Variants in TIMM23B observed in about 807,000 individuals in gnomAD.
TIMM23B encodes the protein mitochondrial import inner membrane translocase subunit Tim23B.
Under a neutral mutation model 27.3 loss-of-function variants are expected in TIMM23B, and 27 were observed. The ratio of observed to expected loss-of-function variants is 0.99; its 90% CI spans 0.73 to 1.36. The LOEUF is 1.36. TIMM23B is among the 40% of genes most tolerant of loss of function. The pLI is 0.00. For missense variants in TIMM23B, 205 were observed against 244.2 expected (o/e 0.84, Z 1.07); for synonymous variants, 73 against 92.4 (o/e 0.79, Z 1.21).
intron 1 of TIMM23B, 124 bp downstream of exon 1, chr10:49,942,424 C>T (rs1839150110): frequency 6.6e-7 from 1 of 1,521,820 alleles, no homozygotes; most frequent in Admixed American, 2.1e-5. Flanking sequence ...GCTTAAGTAC[C>T]AGTGGTGGGG....
chr10:49,951,589 G>A (rs1839531030), intron 2 of TIMM23B, among the ~76,000 whole-genome samples: 1 of 152,000 alleles, frequency 6.6e-6, no homozygotes, highest in Non-Finnish European at 1.5e-5. Flanking sequence ...TAGAAATAGG[G>A]TCTATAGCTT....
chr10:49,948,200 T>C (rs1430843393), intron 2 of TIMM23B, among the ~76,000 whole-genome samples: 1 of 152,204 alleles, frequency 6.6e-6, no homozygotes, highest in Non-Finnish European at 1.5e-5. Context: ...GGGATCACTA[T>C]AATCAAAAAG....
chr10:49,947,903 GGGTGAC>G (rs1839404501), intron 2 of TIMM23B, among the ~76,000 whole-genome samples: 1 of 152,168 alleles, frequency 6.6e-6, no homozygotes, highest in Non-Finnish European at 1.5e-5. Flanking sequence ...ACTCCAGCCT[GGGTGAC>G]AGAGAGAGAC....
chr10:49,958,767 A>G (rs1287184297), intron 6 of TIMM23B, among the ~76,000 whole-genome samples: 85 of 152,286 alleles, frequency 5.6e-4, no homozygotes, highest in Non-Finnish European at 9.7e-4. Context: ...TAAGCCTCCA[A>G]TTTACCACTT....
At position 49,950,518 on chromosome 10, in the gene TIMM23B, C is replaced by CT. The variant is rs1222407465; in HGVS notation, c.166-1593dup. On this transcript the variant is annotated intron_variant, in intron 2 of 6. Coordinates refer to ENST00000651259, the MANE Select transcript of TIMM23B (RefSeq NM_001290117.2). ...CTTGCTTGATAATGTTCATCACAGC[C>CT]TTTTTTTTTTTTTTTAAGTTTTCTT... 1.2e-3 allele frequency among the ~76,000 whole-genome samples: 149 copies of CT among 127,976 alleles called. 1 individual carries two copies. The highest frequency in any genetic ancestry group is 6.2e-3 in the East Asian group (28 of 4,552). The allele number at this position is 127,976 out of a possible 152,430, so 84.0% of individuals were successfully genotyped here. A position where few individuals can be genotyped will look rare whatever the true frequency, so the allele number is the denominator to read the frequency against.
At chr10:49,947,572 C>T (rs1258127266) in intron 2 of TIMM23B, among the ~76,000 whole-genome samples, 5 of 151,644 alleles carry the variant, frequency 3.3e-5, no homozygotes, top group Admixed American at 6.6e-5. Flanking sequence ...TCGCACCACC[C>T]GCACTTCAGC....
In TIMM23B at chr10:49,943,664, T is replaced by A. The variant is rs1839245255; in HGVS notation, c.106+1364T>A. ...GAAGGTAAATTGGGGGACCAGGGAA[T>A]GAACACCATTTACTGAGCTTTTACA... is the stretch of plus-strand genomic sequence containing the variant. On this transcript the variant is annotated intron_variant, in intron 1 of 6. Transcript: ENST00000651259. 2.0e-5 allele frequency among the ~76,000 whole-genome samples: 3 copies of A among 151,700 alleles called. No individual in the cohort carries two copies. In the South Asian group the frequency reaches 6.2e-4, roughly 32 times the overall value.
Position 49,974,586 on chromosome 10 carries a change from C to T in TIMM23B, c.*1522C>T, listed in dbSNP as rs1418596867. ...TATGTAATGTGTGTATATACAAATA[C>T]CTATATGTATGTGTGTACACATACA... On this transcript the variant is annotated 3_prime_UTR_variant, in exon 7 of 7. Transcript: ENST00000651259. 6.6e-6 allele frequency: 1 copy of T among 151,252 alleles called. No homozygotes were observed. The highest frequency in any genetic ancestry group is 2.1e-4 in the South Asian group (1 of 4,800). 9.4% of individuals were successfully genotyped at this position (151,252 alleles called of 1,614,324 possible).
intron 2 of TIMM23B, among the ~76,000 whole-genome samples, chr10:49,949,182 G>A (rs1414459540): frequency 7.3e-6 from 1 of 136,234 alleles, no homozygotes; most frequent in East Asian, 2.2e-4. Context: ...ACAGGCATGA[G>A]CCACCATGCC....
intron 5 of TIMM23B, 46 bp downstream of exon 5, chr10:49,955,106 G>T: frequency 6.3e-7 from 1 of 1,579,310 alleles, no homozygotes; most frequent in Non-Finnish European, 8.7e-7. Flanking sequence ...CTTAAAGAAA[G>T]AATGCACAAA....
At chr10:49,971,885 C>G (rs1456834936) in intron 6 of TIMM23B, among the ~76,000 whole-genome samples, 3 of 152,270 alleles carry the variant, frequency 2.0e-5, no homozygotes, top group African/African-American at 7.2e-5. Flanking sequence ...ATATTCAAGA[C>G]AAGCAGAGGT....
intron 2 of TIMM23B, among the ~76,000 whole-genome samples, chr10:49,948,540 A>G (rs1435421617): frequency 6.6e-6 from 1 of 152,258 alleles, no homozygotes; most frequent in Non-Finnish European, 1.5e-5. Flanking sequence ...TGGTAATAAA[A>G]AAAGAACTAT....
chr10:49,945,232 C>A, intron 2 of TIMM23B, 142 bp downstream of exon 2: 1 of 688,814 alleles, frequency 1.5e-6, no homozygotes, highest in Non-Finnish European at 2.5e-6. Context: ...TCCTCACAAA[C>A]ACCAGGAGCT....
chr10:49,951,866 T>C (rs1447118670), intron 2 of TIMM23B, among the ~76,000 whole-genome samples: 7 of 152,224 alleles, frequency 4.6e-5, no homozygotes, highest in Admixed American at 1.3e-4. Context: ...CTAAACACTT[T>C]TGCACAAATC....
At chr10:49,956,524 T>A (rs1388738042) in intron 5 of TIMM23B, among the ~76,000 whole-genome samples, 1 of 144,526 alleles carries the variant, frequency 6.9e-6, no homozygotes, top group Non-Finnish European at 1.5e-5. Context: ...TAAATGAAAA[T>A]TTTAAATATT....
At chr10:49,942,646 A>C (rs1170049416) in intron 1 of TIMM23B, among the ~76,000 whole-genome samples, 1 of 152,204 alleles carries the variant, frequency 6.6e-6, no homozygotes, top group African/African-American at 2.4e-5. Flanking sequence ...TGTATTCCAA[A>C]TAGCAAGCCC....
At chr10:49,946,143 A>G (rs1839349974) in intron 2 of TIMM23B, among the ~76,000 whole-genome samples, 1 of 150,552 alleles carries the variant, frequency 6.6e-6, no homozygotes, top group African/African-American at 2.5e-5. Context: ...TGAGCTGAGA[A>G]CACCCCACTA....
chr10:49,971,052 A>G (rs1245344227), intron 6 of TIMM23B, among the ~76,000 whole-genome samples: 1 of 152,178 alleles, frequency 6.6e-6, no homozygotes, highest in Non-Finnish European at 1.5e-5. Context: ...TCTCTGAAAC[A>G]TGTGCTGTGT....
chr10:49,949,924 G>A (rs1184321037), intron 2 of TIMM23B, among the ~76,000 whole-genome samples: 1 of 151,622 alleles, frequency 6.6e-6, no homozygotes, highest in East Asian at 1.9e-4. Context: ...GGTTCAAGCA[G>A]TCCTCCCACC....
Sources: gnomAD v4.1 joint callset for allele counts (sites outside exome capture counted in the v4.1 genomes callset) on GRCh38, gnomAD v4.1.1 for gene constraint, MANE v1.5 for transcripts, NCBI Gene and HGNC (gene_info 2026-07-23, HGNC 2026-07-21) for gene names.